LARS1: variants seen among roughly 807,000 people sequenced by gnomAD.
LARS1 encodes the protein leucine--tRNA ligase, cytoplasmic.
A neutral mutation model predicts 162.8 loss-of-function variants in LARS1; 100 were observed. The observed-to-expected ratio is 0.61, with a 90% CI of 0.52 to 0.73. LARS1 has a LOEUF of 0.73. Among genes scored for constraint, LARS1 ranks in the 30% least tolerant of loss-of-function variants. LARS1 has a pLI of 0.00. For synonymous variants in LARS1, 457 were observed against 462.8 expected (o/e 0.99, Z 0.16); for missense variants, 1,258 against 1,408.9 (o/e 0.89, Z 1.71).
chr5:146,134,398 A>G (rs1289406819), intron 22 of LARS1, among the ~76,000 whole-genome samples: 1 of 152,186 alleles, frequency 6.6e-6, no homozygotes, highest in Non-Finnish European at 1.5e-5. Context: ...CAGACTAACT[A>G]TATTATTTGG....
Position 146,143,104 on chromosome 5 carries a change from A to C in LARS1, c.1878-20T>G. ...TGCGGTCTGTATTAAAAATAAAACA[A>C]ACTATTTTATATATATATATATGTA... On this transcript the variant is annotated intron_variant, in intron 19 of 31. Transcript: ENST00000394434. The C allele has an allele frequency of 1.6e-5, 21 of 1,313,682 alleles. No homozygotes were observed. Among genetic ancestry groups the C allele is most frequent in the Non-Finnish European group, 2.1e-5 (20 of 941,602 alleles). 81.4% of individuals were successfully genotyped at this position (1,313,682 alleles called of 1,614,324 possible).
intron 28 of LARS1, among the ~76,000 whole-genome samples, chr5:146,125,558 T>C (rs1159096979): frequency 6.6e-6 from 1 of 152,018 alleles, no homozygotes; most frequent in Non-Finnish European, 1.5e-5. Flanking sequence ...CTATTTTATT[T>C]ACTCCTCACA....
At chr5:146,114,550 A>G (rs1764114496) in intron 31 of LARS1, among the ~76,000 whole-genome samples, 1 of 151,980 alleles carries the variant, frequency 6.6e-6, no homozygotes, top group Admixed American at 6.5e-5. Context: ...CCTGACCAAC[A>G]TGGCAAAACA....
chr5:146,165,180 GA>G (rs1376080886), intron 5 of LARS1, among the ~76,000 whole-genome samples: 1 of 151,806 alleles, frequency 6.6e-6, no homozygotes, highest in Non-Finnish European at 1.5e-5. Flanking sequence ...CTAAAAATAC[GA>G]AAATTAGCCG....
intron 14 of LARS1, among the ~76,000 whole-genome samples, 193 bp from the exon 15 acceptor site, chr5:146,149,892 G>A (rs576704082): frequency 1.8e-4 from 27 of 152,028 alleles, no homozygotes; most frequent in East Asian, 3.9e-4. Context: ...CACACTTATC[G>A]TTCTGTCAGT....
At chr5:146,148,891 C>A (rs11954870) in intron 15 of LARS1, among the ~76,000 whole-genome samples, 1 of 151,840 alleles carries the variant, frequency 6.6e-6, no homozygotes, top group East Asian at 1.9e-4. Flanking sequence ...GCCTGACCAA[C>A]ATGGAGAAAC....
chr5:146,152,153 A>G, intron 13 of LARS1, 151 bp from the exon 14 acceptor site: 7 of 843,750 alleles, frequency 8.3e-6, no homozygotes, highest in Non-Finnish European at 1.3e-5. Flanking sequence ...TCACAGAGTG[A>G]CTAACTTCCA....
intron 21 of LARS1, 76 bp from the exon 22 acceptor site, chr5:146,135,740 AG>A (rs1219121348): frequency 1.9e-6 from 2 of 1,041,648 alleles, no homozygotes; most frequent in Non-Finnish European, 2.8e-6. Flanking sequence ...AAAATTAACT[AG>A]GTTGGCCATG....
In LARS1 at chr5:146,153,779, G is replaced by A; in HGVS notation, c.1185C>T (p.Asp395=). ...GTGVVTSVPS[D]SPDDIAALRD... ...TGAGGGCAGCAATATCATCAGGGGA[G>A]TCGGAAGGAACACTTGTAACCACAC... Residue 395 remains aspartate (D), a synonymous_variant, in exon 12 of 32, where the codon GAC becomes GAT. Coordinates refer to ENST00000394434, the MANE Select transcript of LARS1 (RefSeq NM_020117.11). 1 of 1,614,034 alleles carries A rather than the reference G, an allele frequency of 6.2e-7. No individual in the cohort carries two copies. The highest frequency in any genetic ancestry group is 8.5e-7 in the Non-Finnish European group (1 of 1,179,964).
chr5:146,120,302 T>TAGAAACCGG, intron 31 of LARS1, 69 bp downstream of exon 31: 1 of 1,531,312 alleles, frequency 6.5e-7, no homozygotes, highest in East Asian at 2.3e-5. Flanking sequence ...TCTTTTCTTT[T>TAGAAACCGG]TCCTTTCTGC....
At chr5:146,130,616 A>T in intron 24 of LARS1, 1 of 172,464 alleles carries the variant, frequency 5.8e-6, no homozygotes. Flanking sequence ...TACTTTAAGC[A>T]CTTTAAATGC....
At chr5:146,162,896 A>G (rs993205671) in intron 6 of LARS1, among the ~76,000 whole-genome samples, 1 of 151,994 alleles carries the variant, frequency 6.6e-6, no homozygotes, top group African/African-American at 2.4e-5. Context: ...GCTCACTGCA[A>G]CCTCCTGGGT....
chr5:146,115,609 A>G (rs1764172740), intron 31 of LARS1, among the ~76,000 whole-genome samples: 2 of 140,622 alleles, frequency 1.4e-5, no homozygotes, highest in African/African-American at 5.9e-5. Context: ...AAAAAAAAAA[A>G]GCACCTGTCT....
chr5:146,152,626 C>T (rs1242772084), intron 13 of LARS1, among the ~76,000 whole-genome samples: 1 of 152,174 alleles, frequency 6.6e-6, no homozygotes, highest in African/African-American at 2.4e-5. Context: ...TTGTCTTCCA[C>T]AAAACCAGTC....
intron 2 of LARS1, among the ~76,000 whole-genome samples, chr5:146,176,156 A>G (rs879310147): frequency 3.3e-5 from 5 of 152,016 alleles, no homozygotes; most frequent in Non-Finnish European, 7.4e-5. Flanking sequence ...TGTCTAAAAA[A>G]AGAAAGAAAG....
chr5:146,152,146 CAG>C, intron 13 of LARS1, 144 bp from the exon 14 acceptor site: 1 of 874,336 alleles, frequency 1.1e-6, no homozygotes, highest in Non-Finnish European at 1.8e-6. Flanking sequence ...TAAGTAATCA[CAG>C]AGTGACTAAC....
In LARS1 at chr5:146,164,306, A is replaced by AT; in HGVS notation, c.594+3dup. On this transcript the variant is annotated splice_donor_region_variant and intron_variant, in intron 6 of 31. Transcript: ENST00000394434. Reference sequence around the variant, plus strand: ...CTTTCCTCATATTTCCTTTATAGACATACCTTCAAACCCATTCTTTTTAAA... The same window carrying AT: ...CTTTCCTCATATTTCCTTTATAGACATTACCTTCAAACCCATTCTTTTTAAA... The AT allele has an allele frequency of 6.2e-7, 1 of 1,612,968 alleles. No individual in the cohort carries two copies. The highest frequency in any genetic ancestry group is 1.7e-5 in the Admixed American group (1 of 59,886).
At chr5:146,133,165 T>C in intron 22 of LARS1, 84 bp from the exon 23 acceptor site, 1 of 1,138,746 alleles carries the variant, frequency 8.8e-7, no homozygotes, top group Non-Finnish European at 1.3e-6. Context: ...TTGGATACCT[T>C]GCAAAGCCCA....
intron 23 of LARS1, chr5:146,132,160 T>C (rs938353983): frequency 2.6e-5 from 4 of 152,104 alleles, no homozygotes; most frequent in South Asian, 4.2e-4. Context: ...ATACAAAAAA[T>C]TGGCCAGACG....
Sources: gnomAD v4.1 joint callset for allele counts (sites outside exome capture counted in the v4.1 genomes callset) on GRCh38, gnomAD v4.1.1 for gene constraint, MANE v1.5 for transcripts, NCBI Gene and HGNC (gene_info 2026-07-23, HGNC 2026-07-21) for gene names.